The following CACNG2 variants were observed in gnomAD, a reference collection of about 807,000 sequenced individuals.
CACNG2 encodes calcium voltage-gated channel auxiliary subunit gamma 2, also known as voltage-dependent calcium channel gamma-2 subunit.
Under a neutral mutation model 25.9 loss-of-function variants are expected in CACNG2, and 3 were observed. The ratio of observed to expected loss-of-function variants is 0.12; its 90% CI spans 0.05 to 0.30. The LOEUF is 0.30. Among genes scored for constraint, CACNG2 ranks in the 10% least tolerant of loss-of-function variants. CACNG2 has a pLI of 1.00. For synonymous variants in CACNG2, 167 were observed against 173.3 expected (o/e 0.96, Z 0.29); for missense variants, 341 against 432.5 (o/e 0.79, Z 1.88).
At chr22:36,609,183 C>T (rs1283584942) in intron 1 of CACNG2, among the ~76,000 whole-genome samples, 1 of 150,846 alleles carries the variant, frequency 6.6e-6, no homozygotes, top group Non-Finnish European at 1.5e-5. Flanking sequence ...AATCAGCAGC[C>T]CCAGAGCGTG....
intron 1 of CACNG2, among the ~76,000 whole-genome samples, chr22:36,639,874 C>A (rs951894166): frequency 1.5e-4 from 23 of 152,204 alleles, no homozygotes; most frequent in South Asian, 2.1e-4. Context: ...TGTCATCTGT[C>A]TTCTACCCTG....
chr22:36,570,619 CG>C (rs1935209358), intron 2 of CACNG2, among the ~76,000 whole-genome samples: 1 of 152,006 alleles, frequency 6.6e-6, no homozygotes, highest in African/African-American at 2.4e-5. Flanking sequence ...AAAAATTAGC[CG>C]GGCATGGTGG....
chr22:36,671,688 T>A (rs910300), intron 1 of CACNG2, among the ~76,000 whole-genome samples: 34 of 152,292 alleles, frequency 2.2e-4, no homozygotes, highest in African/African-American at 7.7e-4. Flanking sequence ...GGGTTGACCA[T>A]GTTTCCCAGG....
In CACNG2 at chr22:36,613,151, G is replaced by GCTCT. The variant is rs372007467; in HGVS notation, c.212-25607_212-25604dup. On this transcript the variant is annotated intron_variant, in intron 1 of 3. Coordinates refer to ENST00000300105, the MANE Select transcript of CACNG2 (RefSeq NM_006078.5). ...TTTCCAAAAGTTCATTTCATTACAG[G>GCTCT]CTCTCTGTGTGTGTGTGTGTGTGTG... Among the ~76,000 whole-genome samples, 27 of 146,476 alleles carry GCTCT rather than the reference G, an allele frequency of 1.8e-4. 1 individual carries two copies. The South Asian group carries it at 3.6e-3, about 20-fold the overall frequency.
chr22:36,611,698 G>T (rs1023894622), intron 1 of CACNG2, among the ~76,000 whole-genome samples: 2 of 152,288 alleles, frequency 1.3e-5, no homozygotes, highest in African/African-American at 4.8e-5. Flanking sequence ...CTAAAGTGTG[G>T]GAGTCTGACC....
At chr22:36,622,788 G>A (rs368907008) in intron 1 of CACNG2, among the ~76,000 whole-genome samples, 3 of 151,940 alleles carry the variant, frequency 2.0e-5, no homozygotes, top group East Asian at 4.0e-4. Flanking sequence ...GAGAAACCCC[G>A]TCTCTACCAA....
intron 1 of CACNG2, among the ~76,000 whole-genome samples, chr22:36,686,124 T>C (rs1601456306): frequency 6.6e-6 from 1 of 152,156 alleles, no homozygotes. Flanking sequence ...TGTCTGAGGG[T>C]GGAGGCTCTT....
chr22:36,594,845 CAT>C (rs754520024), intron 1 of CACNG2, among the ~76,000 whole-genome samples: 86 of 122,938 alleles, frequency 7.0e-4, no homozygotes, highest in Admixed American at 2.0e-3. Context: ...TGTGTGTGTG[CAT>C]GTGTGTGTGT....
At chr22:36,632,461 T>C (rs975294218) in intron 1 of CACNG2, among the ~76,000 whole-genome samples, 4 of 103,478 alleles carry the variant, frequency 3.9e-5, no homozygotes, top group African/African-American at 1.5e-4. Flanking sequence ...GGAGATTCTC[T>C]CTCCTCTCCT....
At position 36,687,742 on chromosome 22, in the gene CACNG2, C is replaced by T. The variant is rs367831425; in HGVS notation, c.211+14624G>A. On this transcript the variant is annotated intron_variant, in intron 1 of 3. Coordinates refer to ENST00000300105, the MANE Select transcript of CACNG2 (RefSeq NM_006078.5). ...TTATCTGGGTGGGCACGTGGTAATCCCCAGGGCCCTTAGGTGTGAGGGGGG... is the reference window on the plus strand; with the variant it reads ...TTATCTGGGTGGGCACGTGGTAATCTCCAGGGCCCTTAGGTGTGAGGGGGG... 2.0e-5 allele frequency among the ~76,000 whole-genome samples: 3 copies of T among 152,060 alleles called. No homozygotes were observed. In the South Asian group the frequency reaches 6.2e-4, roughly 32 times the overall value.
chr22:36,617,724 A>G (rs1354177750), intron 1 of CACNG2, among the ~76,000 whole-genome samples: 1 of 150,498 alleles, frequency 6.6e-6, no homozygotes, highest in African/African-American at 2.5e-5. Context: ...TTAGAATCAG[A>G]CAGCCCAATG....
At position 36,702,519 on chromosome 22, in the gene CACNG2, C is replaced by T; in HGVS notation, c.58G>A (p.Ala20Thr). ...MLLTTVGAFAAFSLMTIAVGT... is the reference protein window; with the variant it reads ...MLLTTVGAFATFSLMTIAVGT... ...ACAGCTATGGTCATCAGGCTGAAGG[C>T]AGCGAAAGCACCAACGGTGGTTAAA... Residue 20 changes from alanine to threonine, a missense_variant, in exon 1 of 4, where the codon GCC (alanine) becomes ACC (threonine). This residue lies in a region of CACNG2 where 169 missense variants were observed against 254.4 expected (regional missense o/e 0.66). Transcript: ENST00000300105. 6.2e-7 allele frequency: 1 copy of T among 1,614,118 alleles called. No homozygotes were observed. Among genetic ancestry groups the T allele is most frequent in the Non-Finnish European group, 8.5e-7 (1 of 1,179,988 alleles).
chr22:36,587,241 G>A (rs1289573976), intron 2 of CACNG2, among the ~76,000 whole-genome samples: 2 of 152,154 alleles, frequency 1.3e-5, no homozygotes, highest in Admixed American at 6.5e-5. Context: ...CCTGGAGGTC[G>A]ACTGAGTAGG....
In CACNG2 at chr22:36,564,473, G is replaced by C. The variant is rs1384195272; in HGVS notation, c.850C>G (p.Pro284Ala). Residue 284 changes from proline to alanine, a missense_variant, in exon 4 of 4, where the codon CCC becomes GCC. Coordinates refer to ENST00000300105, the MANE Select transcript of CACNG2 (RefSeq NM_006078.5). The surrounding 1 kb of genome is among the most constrained non-coding windows in gnomAD (Gnocchi z 6.7). Reference sequence around the variant, plus strand: ...CTGTCGGAGTTGTAGGTGGCGGTGGGCGTGGTGGCGGCCTTCAGGGGGTCC... The same window carrying C: ...CTGTCGGAGTTGTAGGTGGCGGTGGCCGTGGTGGCGGCCTTCAGGGGGTCC... ...SRDPLKAATT[P>A]TATYNSDRDN... 6.2e-7 allele frequency: 1 copy of C among 1,613,920 alleles called. No homozygotes were observed. Among genetic ancestry groups the C allele is most frequent in the African/African-American group, 1.3e-5 (1 of 74,884 alleles).
At chr22:36,631,659 G>C (rs1936273080) in intron 1 of CACNG2, among the ~76,000 whole-genome samples, 1 of 152,004 alleles carries the variant, frequency 6.6e-6, no homozygotes, top group Non-Finnish European at 1.5e-5. Flanking sequence ...CCAAGGCACT[G>C]TCCTGTCTCA....
chr22:36,596,192 A>C (rs1283991801), intron 1 of CACNG2, among the ~76,000 whole-genome samples: 2 of 152,224 alleles, frequency 1.3e-5, no homozygotes, highest in East Asian at 1.9e-4. Context: ...TAAGTGAAGC[A>C]AAGGAAGGGT....
At chr22:36,608,153 G>T (rs1358403801) in intron 1 of CACNG2, among the ~76,000 whole-genome samples, 1 of 152,108 alleles carries the variant, frequency 6.6e-6, no homozygotes, top group Non-Finnish European at 1.5e-5. Context: ...CAACAGAGGG[G>T]GTTCAGCTGC....
chr22:36,657,764 T>C (rs1936729412), intron 1 of CACNG2, among the ~76,000 whole-genome samples: 1 of 151,770 alleles, frequency 6.6e-6, no homozygotes, highest in Non-Finnish European at 1.5e-5. Flanking sequence ...GTGAGGTCTG[T>C]GTGTTTCCTT....
chr22:36,564,300 C>T lies in CACNG2; in HGVS notation c.*51G>A, dbSNP rs753365061. 1.9e-6 allele frequency: 3 copies of T among 1,557,446 alleles called. No homozygotes were observed. In the South Asian group the frequency reaches 3.5e-5, roughly 18 times the overall value. ...TCTGGGTCTCCCCGCCCCGCCCCGC[C>T]CCCGGGGACCGCGCCCTCCTCCCGC... is the stretch of plus-strand genomic sequence containing the variant. On this transcript the variant is annotated 3_prime_UTR_variant, in exon 4 of 4. Coordinates refer to ENST00000300105, the MANE Select transcript of CACNG2 (RefSeq NM_006078.5). This position sits in a 1 kb window ranked among gnomAD's most constrained non-coding sequence, Gnocchi z 6.7.
Sources: gnomAD v4.1 joint callset for allele counts (sites outside exome capture counted in the v4.1 genomes callset) on GRCh38, gnomAD v4.1.1 for gene constraint, gnomAD v4.1.1 regional missense constraint, Gnocchi (gnomAD v3.1) non-coding constraint, MANE v1.5 for transcripts, NCBI Gene and HGNC (gene_info 2026-07-23, HGNC 2026-07-21) for gene names.